The following MNDA variants were observed in gnomAD, a reference collection of about 807,000 sequenced individuals.
MNDA encodes the protein epididymis secretory sperm binding protein.
In MNDA, 43 loss-of-function variants were observed where a neutral mutation model predicts 37.8. The ratio of observed to expected loss-of-function variants is 1.14; its 90% CI spans 0.89 to 1.47. The LOEUF is 1.47. MNDA is among the 40% of genes most tolerant of loss of function. MNDA has a pLI of 0.00. For synonymous variants in MNDA, 181 were observed against 169.0 expected (o/e 1.07, Z -0.55); for missense variants, 536 against 476.0 (o/e 1.13, Z -1.17).
chr1:158,845,263 A>C (rs1395543414), intron 4 of MNDA, among the ~76,000 whole-genome samples: 1 of 151,852 alleles, frequency 6.6e-6, no homozygotes, highest in Non-Finnish European at 1.5e-5. Context: ...TTTGAGACGG[A>C]GTCTCGCTCT....
At chr1:158,835,772 G>C (rs1470552710) in intron 1 of MNDA, among the ~76,000 whole-genome samples, 2 of 151,938 alleles carry the variant, frequency 1.3e-5, no homozygotes, top group Admixed American at 6.6e-5. Flanking sequence ...TTCGTATGTA[G>C]ACTTTACTAT....
In MNDA at chr1:158,849,401, T is replaced by C. The variant is rs943401747; in HGVS notation, c.*164T>C. 5.7e-6 allele frequency: 3 copies of C among 530,446 alleles called. No individual in the cohort carries two copies. The Admixed American group carries it at 1.2e-4, about 22-fold the overall frequency. 32.9% of individuals were successfully genotyped at this position (530,446 alleles called of 1,614,324 possible). A position where few individuals can be genotyped will look rare whatever the true frequency, so the allele number is the denominator to read the frequency against. Reference sequence around the variant, plus strand: ...CTGAGTTATAGATTAGTTTGCTTTCTGGAATAAAATTTTCTTCTTATACTC... The same window carrying C: ...CTGAGTTATAGATTAGTTTGCTTTCCGGAATAAAATTTTCTTCTTATACTC... On this transcript the variant is annotated 3_prime_UTR_variant, in exon 7 of 7. Coordinates refer to ENST00000368141, the MANE Select transcript of MNDA (RefSeq NM_002432.3).
At chr1:158,839,918 A>G (rs1393297741) in intron 1 of MNDA, among the ~76,000 whole-genome samples, 4 of 152,330 alleles carry the variant, frequency 2.6e-5, no homozygotes, top group Non-Finnish European at 5.9e-5. Context: ...GTGAGAAGAG[A>G]ACAATTTTTT....
intron 1 of MNDA, among the ~76,000 whole-genome samples, chr1:158,832,509 A>G (rs1658823784): frequency 6.6e-6 from 1 of 151,682 alleles, no homozygotes; most frequent in Non-Finnish European, 1.5e-5. Context: ...TTTACATAGA[A>G]TATGTATATC....
In MNDA at chr1:158,846,128, T is replaced by C. The variant is rs1172178689; in HGVS notation, c.987+125T>C. ...ATATTGACTAGAGATAGTGATGAAG[T>C]TGTCCCACAAAATAGGAAATAGGAC... On this transcript the variant is annotated intron_variant, in intron 5 of 6. Coordinates refer to ENST00000368141, the MANE Select transcript of MNDA (RefSeq NM_002432.3). 5.3e-6 allele frequency: 5 copies of C among 938,434 alleles called. No homozygotes were observed. In the Admixed American group the frequency reaches 8.8e-5, roughly 17 times the overall value. 58.1% of individuals were successfully genotyped at this position (938,434 alleles called of 1,614,324 possible).
intron 1 of MNDA, among the ~76,000 whole-genome samples, chr1:158,832,284 TGAGAA>T (rs1658819182): frequency 6.6e-6 from 1 of 152,026 alleles, no homozygotes; most frequent in Non-Finnish European, 1.5e-5. Flanking sequence ...CATGAGTACT[TGAGAA>T]GAGTTTATAA....
At chr1:158,836,533 A>C (rs889433518) in intron 1 of MNDA, among the ~76,000 whole-genome samples, 1 of 151,838 alleles carries the variant, frequency 6.6e-6, no homozygotes, top group Non-Finnish European at 1.5e-5. Flanking sequence ...AATTGTTCAA[A>C]GTATTCTCTT....
At chr1:158,847,942 G>A (rs1400215393) in intron 6 of MNDA, 26 bp downstream of exon 6, 3 of 1,590,182 alleles carry the variant, frequency 1.9e-6, no homozygotes, top group Non-Finnish European at 1.7e-6. Context: ...AGGAGAATGA[G>A]TTTGCTAAAG....
intron 1 of MNDA, among the ~76,000 whole-genome samples, chr1:158,832,639 G>T (rs997102718): frequency 2.0e-5 from 3 of 151,482 alleles, no homozygotes; most frequent in East Asian, 3.9e-4. Context: ...TTTCCAAGTT[G>T]CATACTTTAC....
At position 158,841,209 on chromosome 1, in the gene MNDA, G is replaced by A. The variant is rs571623118; in HGVS notation, c.-20-925G>A. Among the ~76,000 whole-genome samples the A allele has an allele frequency of 7.2e-5, 11 of 152,262 alleles. No homozygotes were observed. In the South Asian group the frequency reaches 1.9e-3, roughly 26 times the overall value. ...GACCTGAAAAAGAAAGACATATTGT[G>A]TATTTCTAGAGCATAAGGTATAAGA... On this transcript the variant is annotated intron_variant, in intron 1 of 6. Transcript: ENST00000368141.
Position 158,843,352 on chromosome 1 carries a change from A to C in MNDA, c.339A>C (p.Ala113=). 1.9e-6 allele frequency: 3 copies of C among 1,612,938 alleles called. No homozygotes were observed. The highest frequency in any genetic ancestry group is 1.7e-6 in the Non-Finnish European group (2 of 1,179,534). Residue 113 remains alanine (A), a synonymous_variant, in exon 3 of 7, where the codon GCA becomes GCC. Transcript: ENST00000368141. ...KINQEEVGLA[A]PAPTARNKLT... ...ACCAGGAAGAAGTGGGTCTTGCGGC[A>C]CCTGCACCCACCGCAAGAAACAAAC... is the stretch of plus-strand genomic sequence containing the variant.
intron 5 of MNDA, among the ~76,000 whole-genome samples, chr1:158,846,630 A>T: frequency 6.6e-6 from 1 of 152,210 alleles, no homozygotes; most frequent in East Asian, 1.9e-4. Flanking sequence ...TACAAAAAAA[A>T]AATAATTCCA....
intron 1 of MNDA, among the ~76,000 whole-genome samples, chr1:158,834,951 A>G (rs1023380759): frequency 2.0e-5 from 3 of 152,184 alleles, no homozygotes; most frequent in Non-Finnish European, 2.9e-5. Context: ...TTTCTATGCT[A>G]TCTATCATAT....
At position 158,843,396 on chromosome 1, in the gene MNDA, G is replaced by A; in HGVS notation, c.383G>A (p.Gly128Glu). ...AACAAACTGACATCGGAAGCAAGAG[G>A]GAGGATTCCTGTAGCTCAGGTAAGC... ...ARNKLTSEAR[G>E]RIPVAQKRKT... is the part of the protein sequence containing the mutation. Residue 128 changes from glycine (G) to glutamate (E), a missense_variant, in exon 3 of 7, where the codon GGG becomes GAG. Coordinates refer to ENST00000368141, the MANE Select transcript of MNDA (RefSeq NM_002432.3). 1 of 1,609,906 alleles carries A rather than the reference G, an allele frequency of 6.2e-7. No homozygotes were observed. Among genetic ancestry groups the A allele is most frequent in the Non-Finnish European group, 8.5e-7 (1 of 1,178,090 alleles).
chr1:158,847,576 T>C (rs1659157939), intron 5 of MNDA, 152 bp from the exon 6 acceptor site: 3 of 551,354 alleles, frequency 5.4e-6, no homozygotes, highest in Non-Finnish European at 9.0e-6. Flanking sequence ...TAATAAAAGA[T>C]GGACCCTGTG....
chr1:158,834,706 A>G (rs780256354), intron 1 of MNDA, among the ~76,000 whole-genome samples: 11 of 152,264 alleles, frequency 7.2e-5, no homozygotes, highest in Non-Finnish European at 1.6e-4. Flanking sequence ...GCCAAATCCA[A>G]TGTCATGGAG....
At chr1:158,836,797 G>A (rs950512357) in intron 1 of MNDA, among the ~76,000 whole-genome samples, 10 of 151,452 alleles carry the variant, frequency 6.6e-5, no homozygotes, top group African/African-American at 1.9e-4. Flanking sequence ...TCCTTATGGT[G>A]TAAAGTCAGA....
At position 158,845,836 on chromosome 1, in the gene MNDA, T is replaced by C; in HGVS notation, c.820T>C (p.Cys274Arg). The C allele has an allele frequency of 6.2e-7, 1 of 1,614,128 alleles. No individual in the cohort carries two copies. The highest frequency in any genetic ancestry group is 1.6e-4 in the Middle Eastern group (1 of 6,062). The change falls in exon 5 of 7, where the codon TGT becomes CGT. Residue 274 changes from cysteine to arginine, a missense_variant. Transcript: ENST00000368141. The stretch of plus-strand genomic sequence containing the variant: ...CATTACCATATCTGATTACTCTGAA[T>C]GTAAAGGAGTAATGGAAATAAAGGA... ...KVITISDYSE[C>R]KGVMEIKEAS...
At chr1:158,847,105 A>G (rs1027153050) in intron 5 of MNDA, among the ~76,000 whole-genome samples, 2 of 152,212 alleles carry the variant, frequency 1.3e-5, no homozygotes, top group Non-Finnish European at 2.9e-5. Context: ...GAGCTAAGCT[A>G]TGAGTACACA....
Sources: allele counts gnomAD v4.1 joint callset (sites outside exome capture counted in the v4.1 genomes callset), GRCh38; gene constraint gnomAD v4.1.1; transcripts MANE v1.5; gene names NCBI Gene and HGNC (gene_info 2026-07-23, HGNC 2026-07-21).